PBX4: variants seen among roughly 807,000 people sequenced by gnomAD.
PBX4 encodes pre-B-cell leukemia transcription factor 4.
In PBX4, 26 loss-of-function variants were observed where a neutral mutation model predicts 35.1. The observed-to-expected ratio is 0.74, with a 90% CI of 0.54 to 1.03. The LOEUF is 1.03. Ranked by LOEUF, PBX4 falls within the 50% of genes least tolerant of loss-of-function variation. The pLI, the probability that PBX4 is intolerant of heterozygous loss-of-function variation, is 0.00. For synonymous variants in PBX4, 199 were observed against 204.2 expected, an observed-to-expected ratio of 0.97 and a Z score of 0.22; for missense variants, 448 against 504.3, an observed-to-expected ratio of 0.89 and a Z score of 1.07.
chr19:19,593,744 G>C (rs2061542651), intron 2 of PBX4, among the ~76,000 whole-genome samples: 1 of 152,176 alleles, frequency 6.6e-6, no homozygotes. Flanking sequence ...GCCAGTCAGT[G>C]GGAAGAAAGC....
At chr19:19,599,184 G>C (rs1049126448) in intron 2 of PBX4, 108 bp downstream of exon 2, 26 of 899,498 alleles carry the variant, frequency 2.9e-5, no homozygotes, top group Non-Finnish European at 4.4e-5. Context: ...GGTCAGGCTG[G>C]TCTGGAATCC....
intron 2 of PBX4, among the ~76,000 whole-genome samples, chr19:19,592,032 T>C (rs1476652718): frequency 6.6e-6 from 1 of 151,980 alleles, no homozygotes; most frequent in Non-Finnish European, 1.5e-5. Context: ...AGCTAGTTTT[T>C]GTATTTTTAG....
At chr19:19,564,827 G>T in intron 6 of PBX4, 106 bp downstream of exon 6, 1 of 1,380,166 alleles carries the variant, frequency 7.2e-7, no homozygotes, top group Non-Finnish European at 1.0e-6. Context: ...ACACAGAGTT[G>T]ACCACTGGGG....
At chr19:19,589,404 A>G (rs942380128) in intron 2 of PBX4, among the ~76,000 whole-genome samples, 1 of 152,110 alleles carries the variant, frequency 6.6e-6, no homozygotes, top group Non-Finnish European at 1.5e-5. Flanking sequence ...ACTGCACTCC[A>G]GCCTGGGCAA....
At chr19:19,613,361 G>A (rs566665058) in intron 1 of PBX4, among the ~76,000 whole-genome samples, 201 of 150,542 alleles carry the variant, frequency 1.3e-3, no homozygotes, top group African/African-American at 4.7e-3. Flanking sequence ...TTAGCTACTC[G>A]GGAGGCTGAG....
At position 19,588,187 on chromosome 19, in the gene PBX4, G is replaced by A. The variant is rs570850364; in HGVS notation, c.193+11105C>T. ...GGCAGCCATCCCTATTCTTCTCCTG[G>A]ATGGTGCACTCCTTACAATAATAGG... On this transcript the variant is annotated intron_variant, in intron 2 of 7. Transcript: ENST00000251203. The A allele has an allele frequency of 9.9e-5, 132 of 1,334,846 alleles. 1 individual carries two copies. The South Asian group carries it at 1.5e-3, about 15-fold the overall frequency. 82.7% of individuals were successfully genotyped at this position (1,334,846 alleles called of 1,614,324 possible). A position where few individuals can be genotyped will look rare whatever the true frequency, so the allele number is the denominator to read the frequency against.
intron 2 of PBX4, among the ~76,000 whole-genome samples, chr19:19,587,915 T>C (rs1433918727): frequency 6.6e-6 from 1 of 152,054 alleles, no homozygotes; most frequent in Non-Finnish European, 1.5e-5. Flanking sequence ...TTTACATCCC[T>C]ACTACATGCC....
intron 2 of PBX4, among the ~76,000 whole-genome samples, chr19:19,573,364 CACACACAT>C (rs1175078748): frequency 2.6e-4 from 38 of 148,798 alleles, no homozygotes; most frequent in African/African-American, 8.3e-4. Context: ...CACACACACA[CACACACAT>C]ATAGGATAGT....
intron 2 of PBX4, among the ~76,000 whole-genome samples, chr19:19,599,088 C>T (rs913709125): frequency 6.6e-6 from 1 of 151,988 alleles, no homozygotes; most frequent in African/African-American, 2.4e-5. Flanking sequence ...CCTACCTTAG[C>T]CCCCCGAGTA....
intron 2 of PBX4, among the ~76,000 whole-genome samples, chr19:19,572,957 A>AC (rs949600320): frequency 6.7e-6 from 1 of 149,144 alleles, no homozygotes; most frequent in African/African-American, 2.5e-5. Flanking sequence ...TGAACAAGAG[A>AC]CAAAAAAAAT....
intron 1 of PBX4, among the ~76,000 whole-genome samples, chr19:19,602,589 C>T (rs112529284): frequency 0.015 from 2,246 of 152,188 alleles, 74 homozygotes; most frequent in South Asian, 0.071. Flanking sequence ...TGCTACCATG[C>T]CTGGCTAATT....
In PBX4 at chr19:19,562,245, A is replaced by G; in HGVS notation, c.1033-128T>C. The G allele has an allele frequency of 1.6e-6, 1 of 638,938 alleles. No individual in the cohort carries two copies. The highest frequency in any genetic ancestry group is 2.6e-6 in the Non-Finnish European group (1 of 378,494). The allele number at this position is 638,938 out of a possible 1,614,324, so 39.6% of individuals were successfully genotyped here. The stretch of plus-strand genomic sequence containing the variant: ...TGGAAAAGATCCACAGATGACCTCC[A>G]GCTCAGTGGAGGAGGGAAGGGATGG... On this transcript the variant is annotated intron_variant, in intron 7 of 7. Coordinates refer to ENST00000251203, the MANE Select transcript of PBX4 (RefSeq NM_025245.3). The surrounding 1 kb of genome is among the most constrained non-coding windows in gnomAD (Gnocchi z 4.8).
intron 2 of PBX4, among the ~76,000 whole-genome samples, chr19:19,594,106 A>AAAAAAAAAT (rs376246400): frequency 2.1e-5 from 3 of 145,224 alleles, no homozygotes; most frequent in Non-Finnish European, 3.0e-5. Context: ...AAAATAAAAA[A>AAAAAAAAAT]TAAAAAATTA....
At chr19:19,618,452 A>G in intron 1 of PBX4, 59 bp downstream of exon 1, 1 of 1,344,864 alleles carries the variant, frequency 7.4e-7, no homozygotes, top group Non-Finnish European at 9.6e-7. Context: ...CCGTCCCCTC[A>G]GCCCGCCAAC....
chr19:19,594,221 C>G (rs1257619192), intron 2 of PBX4, among the ~76,000 whole-genome samples: 1 of 151,788 alleles, frequency 6.6e-6, no homozygotes, highest in Non-Finnish European at 1.5e-5. Flanking sequence ...GCCTGACCAA[C>G]AGGGTGAAAC....
chr19:19,565,499 C>T lies in PBX4; in HGVS notation c.769-410G>A, dbSNP rs895330077. Reference sequence around the variant, plus strand: ...CCAGGGAGACCTGGGGACCCAGTAACTGCGATCGAATCCCAAACTTATCAA... The same window carrying T: ...CCAGGGAGACCTGGGGACCCAGTAATTGCGATCGAATCCCAAACTTATCAA... On this transcript the variant is annotated intron_variant, in intron 5 of 7. Transcript: ENST00000251203. 1.1e-4 allele frequency among the ~76,000 whole-genome samples: 16 copies of T among 152,214 alleles called. 1 individual carries two copies. The highest frequency in any genetic ancestry group is 2.4e-5 in the African/African-American group (1 of 41,452).
intron 1 of PBX4, among the ~76,000 whole-genome samples, chr19:19,606,196 A>T (rs937989919): frequency 9.2e-5 from 14 of 152,192 alleles, no homozygotes; most frequent in Non-Finnish European, 1.9e-4. Context: ...AGGTGATGGT[A>T]TCATCTCTGC....
At chr19:19,574,792 G>A (rs899987318) in intron 2 of PBX4, among the ~76,000 whole-genome samples, 3 of 151,862 alleles carry the variant, frequency 2.0e-5, no homozygotes, top group Non-Finnish European at 2.9e-5. Flanking sequence ...GCGCCACCAC[G>A]CCTGGCTAAT....
chr19:19,564,855 C>T (rs1294286650), intron 6 of PBX4, 78 bp downstream of exon 6: 1 of 1,563,016 alleles, frequency 6.4e-7, no homozygotes, highest in Non-Finnish European at 8.8e-7. Flanking sequence ...GATGTGGTCC[C>T]ACTGTGGCCT....
Sources: gnomAD v4.1 joint callset for allele counts (sites outside exome capture counted in the v4.1 genomes callset) on GRCh38, gnomAD v4.1.1 for gene constraint, Gnocchi (gnomAD v3.1) non-coding constraint, MANE v1.5 for transcripts, NCBI Gene and HGNC (gene_info 2026-07-23, HGNC 2026-07-21) for gene names.